Variants in PGPEP1 observed in about 807,000 individuals in gnomAD.
PGPEP1 encodes the protein pyroglutamyl-peptidase I.
Under a neutral mutation model 24.1 loss-of-function variants are expected in PGPEP1, and 15 were observed. The ratio of observed to expected loss-of-function variants is 0.62; its 90% confidence interval spans 0.42 to 0.96. The LOEUF (loss-of-function observed/expected upper bound fraction) is 0.96, where lower values mean the gene tolerates loss of function less well. Among genes scored for constraint, PGPEP1 ranks in the 40% least tolerant of loss-of-function variants. PGPEP1 has a pLI of 0.00. For missense variants in PGPEP1, 242 were observed against 273.4 expected, an observed-to-expected ratio of 0.89 and a Z score of 0.81; for synonymous variants, 122 against 116.4, an observed-to-expected ratio of 1.05 and a Z score of -0.31.
intron 2 of PGPEP1, among the ~76,000 whole-genome samples, chr19:18,343,899 G>T (rs915647366): frequency 6.6e-6 from 1 of 151,806 alleles, no homozygotes; most frequent in African/African-American, 2.4e-5. Context: ...GGCCAGACTG[G>T]TCTCAAACTC....
chr19:18,360,919 A>G (rs1362730611), intron 4 of PGPEP1, among the ~76,000 whole-genome samples: 1 of 148,146 alleles, frequency 6.8e-6, no homozygotes, highest in African/African-American at 2.5e-5. Context: ...TGCAGCCTCC[A>G]TCTCCCGGGT....
intron 4 of PGPEP1, among the ~76,000 whole-genome samples, chr19:18,359,288 A>G (rs1971276445): frequency 6.6e-6 from 1 of 151,914 alleles, no homozygotes; most frequent in African/African-American, 2.4e-5. Context: ...GACCTTCCCT[A>G]TGGCTCCCAT....
rs770359513 is a variant in PGPEP1, at chr19:18,363,533, G to A, written c.580G>A (p.Asp194Asn). Residue 194 changes from aspartate (D) to asparagine (N), a missense_variant, in exon 5 of 5, where the codon GAC (aspartate) becomes AAC (asparagine). Physicochemically the swap from Asp to Asn is conservative, Grantham distance 23. Coordinates refer to ENST00000269919, the MANE Select transcript of PGPEP1 (RefSeq NM_017712.4). ...GAGAGCCATCATTGAGGAGATGTTGGACCTCCTGGAGCAGTCAGAGGGCAA... is the reference window on the plus strand; with the variant it reads ...GAGAGCCATCATTGAGGAGATGTTGAACCTCCTGGAGCAGTCAGAGGGCAA... The part of the protein sequence containing the change: ...ALRAIIEEML[D>N]LLEQSEGKIN... 1 of 1,614,130 alleles carries A rather than the reference G, an allele frequency of 6.2e-7. No homozygotes were observed. Among genetic ancestry groups the A allele is most frequent in the South Asian group, 1.1e-5 (1 of 91,080 alleles).
chr19:18,343,679 CTTT>C (rs3078437), intron 2 of PGPEP1, among the ~76,000 whole-genome samples: 22,862 of 114,016 alleles, frequency 0.2, 1,671 homozygotes, highest in Non-Finnish European at 0.25. Context: ...GGATCTCCCT[CTTT>C]TTTTTTTTTT....
chr19:18,353,567 G>T (rs185279512), intron 2 of PGPEP1, among the ~76,000 whole-genome samples: 201 of 152,118 alleles, frequency 1.3e-3, no homozygotes, highest in African/African-American at 4.6e-3. Flanking sequence ...ACTGTGTTGC[G>T]CAACCATCAT....
chr19:18,361,700 G>T, intron 4 of PGPEP1: 1 of 984,492 alleles, frequency 1.0e-6, no homozygotes, highest in Non-Finnish European at 1.2e-6. Flanking sequence ...CGGTCCCTCT[G>T]ATAAGTCAGA....
At chr19:18,357,670 C>A in intron 4 of PGPEP1, 55 bp downstream of exon 4, 3 of 1,309,962 alleles carry the variant, frequency 2.3e-6, no homozygotes, top group Admixed American at 2.0e-5. Flanking sequence ...ACCCACTGAG[C>A]CTGGTGTAGA....
chr19:18,343,022 C>T (rs760132147), intron 2 of PGPEP1, 111 bp downstream of exon 2: 102 of 724,814 alleles, frequency 1.4e-4, no homozygotes, highest in Non-Finnish European at 2.0e-4. Context: ...TTTTTTGAGA[C>T]GAAATCTTAC....
intron 2 of PGPEP1, among the ~76,000 whole-genome samples, chr19:18,344,303 TC>T (rs936576260): frequency 6.6e-6 from 1 of 152,064 alleles, no homozygotes; most frequent in Non-Finnish European, 1.5e-5. Flanking sequence ...TAGTTTCTTT[TC>T]CAGATGGAGT....
rs534863871 is a variant in PGPEP1 at position 18,349,141 on chromosome 19, C to T, written c.87+6230C>T. On this transcript the variant is annotated intron_variant, in intron 2 of 4. Coordinates refer to ENST00000269919, the MANE Select transcript of PGPEP1 (RefSeq NM_017712.4). ...GTCTTGGGGTATGTGTATATGCTGA[C>T]AGTGGTTTTCTTTCTTTCTTGTTTT... 1.0e-5 allele frequency: 10 copies of T among 961,362 alleles called. No individual in the cohort carries two copies. The East Asian group carries it at 1.0e-3, about 99-fold the overall frequency. The allele number at this position is 961,362 out of a possible 1,614,324, so 59.6% of individuals were successfully genotyped here. A position where few individuals can be genotyped will look rare whatever the true frequency, so the allele number is the denominator to read the frequency against.
At chr19:18,350,449 G>A (rs760316031) in intron 2 of PGPEP1, among the ~76,000 whole-genome samples, 2 of 152,268 alleles carry the variant, frequency 1.3e-5, no homozygotes, top group East Asian at 1.9e-4. Context: ...GGAAAACCAG[G>A]CTTCAGTGTA....
At chr19:18,345,410 A>C (rs546160631) in intron 2 of PGPEP1, among the ~76,000 whole-genome samples, 1 of 152,196 alleles carries the variant, frequency 6.6e-6, no homozygotes, top group South Asian at 2.1e-4. Flanking sequence ...AACAAAACAA[A>C]ACAAAGTTTA....
chr19:18,345,040 G>T (rs1970792447), intron 2 of PGPEP1, among the ~76,000 whole-genome samples: 1 of 151,756 alleles, frequency 6.6e-6, no homozygotes, highest in Non-Finnish European at 1.5e-5. Context: ...CGTTCTTGTT[G>T]CCCAGACTGG....
chr19:18,357,514 G>C lies in PGPEP1; in HGVS notation c.336G>C (p.Gly112=). 6.2e-7 allele frequency: 1 copy of C among 1,613,480 alleles called. No homozygotes were observed. The highest frequency in any genetic ancestry group is 8.5e-7 in the Non-Finnish European group (1 of 1,179,734). ...GCTCCCAGTGCTGCGTGGAGGACGG[G>C]CCTGAAAGCATTGACTCCATCATCG... ...CPGSQCCVED[G]PESIDSIIDM... Residue 112 remains glycine, a synonymous_variant, in exon 4 of 5, where the codon GGG becomes GGC. Coordinates refer to ENST00000269919, the MANE Select transcript of PGPEP1 (RefSeq NM_017712.4).
At chr19:18,349,493 T>C (rs1970959464) in intron 2 of PGPEP1, among the ~76,000 whole-genome samples, 1 of 152,144 alleles carries the variant, frequency 6.6e-6, no homozygotes, top group East Asian at 1.9e-4. Context: ...TCCCTGTTGA[T>C]TTTTAAAGTA....
chr19:18,364,132 C>CTTTCTTTCTTTCTTTCTTTT lies in PGPEP1; in HGVS notation c.*559_*560insTCTTTCTTTTTTTCTTTCTT. ...TCTTTCTTGCTTTCTTTCTTTCTTG[C>CTTTCTTTCTTTCTTTCTTTT]TTTCTTTCTTCTCTCTCTCTCTTTT... On this transcript the variant is annotated 3_prime_UTR_variant, in exon 5 of 5. Transcript: ENST00000269919. The CTTTCTTTCTTTCTTTCTTTT allele has an allele frequency of 7.8e-6, 1 of 128,338 alleles. No individual in the cohort carries two copies. Among genetic ancestry groups the CTTTCTTTCTTTCTTTCTTTT allele is most frequent in the African/African-American group, 3.4e-5 (1 of 29,100 alleles). The allele number at this position is 128,338 out of a possible 1,614,324, so 7.9% of individuals were successfully genotyped here.
At chr19:18,341,308 T>C (rs1970665043) in intron 1 of PGPEP1, among the ~76,000 whole-genome samples, 1 of 152,208 alleles carries the variant, frequency 6.6e-6, no homozygotes, top group African/African-American at 2.4e-5. Context: ...TTTTGTGTTT[T>C]GTGCCAGGGC....
At chr19:18,347,708 A>G (rs1454961303) in intron 2 of PGPEP1, among the ~76,000 whole-genome samples, 4 of 146,410 alleles carry the variant, frequency 2.7e-5, no homozygotes, top group Non-Finnish European at 5.9e-5. Context: ...ATCTTGGCTC[A>G]CTGCAACCTC....
chr19:18,346,603 C>T lies in PGPEP1; in HGVS notation c.87+3692C>T, dbSNP rs137923872. ...TCTGTCTCTCTCTCTGTCACTTTCA[C>T]CTTCTCTATCTGTGTGTGTCTGTTT... On this transcript the variant is annotated intron_variant, in intron 2 of 4. Coordinates refer to ENST00000269919, the MANE Select transcript of PGPEP1 (RefSeq NM_017712.4). Among the ~76,000 whole-genome samples the T allele has an allele frequency of 4.7e-5, 7 of 149,900 alleles. No individual in the cohort carries two copies. The Admixed American group carries it at 4.7e-4, about 10-fold the overall frequency.
Sources: allele counts gnomAD v4.1 joint callset (sites outside exome capture counted in the v4.1 genomes callset), GRCh38; gene constraint gnomAD v4.1.1; transcripts MANE v1.5; gene names NCBI Gene and HGNC (gene_info 2026-07-23, HGNC 2026-07-21).